PRKCQ: variants seen among roughly 807,000 people sequenced by gnomAD.
The protein encoded by PRKCQ is protein kinase C theta type.
Under a neutral mutation model 91.2 loss-of-function variants are expected in PRKCQ, and 41 were observed. The ratio of observed to expected loss-of-function variants is 0.45; its 90% CI spans 0.35 to 0.58. The LOEUF is 0.58. PRKCQ is among the 20% of genes least tolerant of loss of function. PRKCQ has a pLI of 0.00. For synonymous variants in PRKCQ, 307 were observed against 316.9 expected (o/e 0.97, Z 0.33); for missense variants, 673 against 896.5 (o/e 0.75, Z 3.18).
chr10:6,507,482 AG>A lies in PRKCQ; in HGVS notation c.332del (p.Pro111LeufsTer6). 3 of 1,613,692 alleles carry A rather than the reference AG, an allele frequency of 1.9e-6. No homozygotes were observed. The highest frequency in any genetic ancestry group is 2.5e-6 in the Non-Finnish European group (3 of 1,179,646). Reference sequence around the variant, plus strand: ...TTGCATTCATTAGCATTCGGCCTTGAGGTTTCAGCTCTAACTGGTTGGGAGA... The same window carrying A: ...TTGCATTCATTAGCATTCGGCCTTGAGTTTCAGCTCTAACTGGTTGGGAGA... ...GKTEIWLELK[P>X]QGRMLMNARY... On this transcript the variant is annotated frameshift_variant, in exon 4 of 18. Coordinates refer to ENST00000263125, the MANE Select transcript of PRKCQ (RefSeq NM_006257.5). LOFTEE classifies it high-confidence loss of function.
At chr10:6,467,303 G>C (rs995641738) in intron 12 of PRKCQ, among the ~76,000 whole-genome samples, 1 of 137,318 alleles carries the variant, frequency 7.3e-6, no homozygotes, top group Non-Finnish European at 1.6e-5. Flanking sequence ...GGCTGAGAGA[G>C]AGAGAGAGAG....
At chr10:6,557,234 A>C (rs989009464) in intron 1 of PRKCQ, among the ~76,000 whole-genome samples, 1 of 152,088 alleles carries the variant, frequency 6.6e-6, no homozygotes, top group African/African-American at 2.4e-5. Flanking sequence ...GGATTCCTCC[A>C]GCCAGCACTC....
intron 3 of PRKCQ, among the ~76,000 whole-genome samples, chr10:6,510,674 T>C (rs528049401): frequency 9.2e-5 from 14 of 152,318 alleles, no homozygotes; most frequent in African/African-American, 2.6e-4. Context: ...ACTGGATTGA[T>C]AGACAAAAAC....
At chr10:6,555,841 C>A (rs998965861) in intron 1 of PRKCQ, among the ~76,000 whole-genome samples, 2 of 152,116 alleles carry the variant, frequency 1.3e-5, no homozygotes, top group Admixed American at 1.3e-4. Context: ...AAAACCACGT[C>A]TCTACTAAAA....
intron 1 of PRKCQ, among the ~76,000 whole-genome samples, chr10:6,546,499 T>A (rs1167175597): frequency 6.6e-6 from 1 of 152,204 alleles, no homozygotes; most frequent in Non-Finnish European, 1.5e-5. Flanking sequence ...TTGAAGCAAT[T>A]GTGAATGGGA....
chr10:6,518,372 G>A (rs1240049401), intron 1 of PRKCQ, among the ~76,000 whole-genome samples: 1 of 152,064 alleles, frequency 6.6e-6, no homozygotes. Flanking sequence ...AATAGCTTTG[G>A]TTCTGTGGTA....
chr10:6,469,201 A>G (rs1429948906), intron 12 of PRKCQ, among the ~76,000 whole-genome samples: 4 of 152,224 alleles, frequency 2.6e-5, no homozygotes, highest in Non-Finnish European at 5.9e-5. Flanking sequence ...CTCACCAACA[A>G]TTCAATTAAA....
intron 15 of PRKCQ, among the ~76,000 whole-genome samples, chr10:6,443,259 G>A (rs1191229239): frequency 1.3e-5 from 2 of 152,168 alleles, no homozygotes; most frequent in Admixed American, 6.5e-5. Flanking sequence ...TCTCTGAGAT[G>A]GTACATGGTA....
chr10:6,517,871 T>C (rs1004044804), intron 1 of PRKCQ, among the ~76,000 whole-genome samples: 7 of 152,134 alleles, frequency 4.6e-5, no homozygotes, highest in South Asian at 2.1e-4. Context: ...AGAAAATAAA[T>C]TGCAAAGGCA....
intron 3 of PRKCQ, 41 bp downstream of exon 3, chr10:6,510,954 C>G (rs752754440): frequency 6.2e-7 from 1 of 1,610,432 alleles, no homozygotes; most frequent in South Asian, 1.1e-5. Flanking sequence ...CGGCTACCAT[C>G]ATGCTTATCC....
At chr10:6,491,624 C>T in intron 8 of PRKCQ, 59 bp downstream of exon 8, 1 of 1,598,794 alleles carries the variant, frequency 6.3e-7, no homozygotes, top group Non-Finnish European at 8.5e-7. Flanking sequence ...CCCCAGAAAG[C>T]CTTGCTCCAT....
intron 12 of PRKCQ, among the ~76,000 whole-genome samples, chr10:6,478,141 G>A (rs1836372853): frequency 6.6e-6 from 1 of 152,202 alleles, no homozygotes; most frequent in African/African-American, 2.4e-5. Context: ...AAATCACGTT[G>A]TAGAATATCC....
At chr10:6,488,701 A>G (rs1837075766) in intron 8 of PRKCQ, among the ~76,000 whole-genome samples, 1 of 152,198 alleles carries the variant, frequency 6.6e-6, no homozygotes, top group African/African-American at 2.4e-5. Flanking sequence ...AACCATTACT[A>G]GACCGAGTAT....
chr10:6,568,453 G>A (rs1374605621), intron 1 of PRKCQ, among the ~76,000 whole-genome samples: 1 of 149,340 alleles, frequency 6.7e-6, no homozygotes, highest in Non-Finnish European at 1.5e-5. Context: ...GAATATTTTT[G>A]AATATTTTAA....
chr10:6,440,301 G>C (rs1460520245), intron 16 of PRKCQ, among the ~76,000 whole-genome samples: 2 of 152,232 alleles, frequency 1.3e-5, no homozygotes, highest in Non-Finnish European at 2.9e-5. Context: ...AACAGTGAGA[G>C]AGTCTTGCAG....
chr10:6,395,444 G>T, the PRKCQ span, among the ~76,000 whole-genome samples: 5 of 151,934 alleles, frequency 3.3e-5, no homozygotes. Context: ...TGGTAAATGG[G>T]GAGAAGGCTC....
At chr10:6,464,927 C>G (rs1029970335) in intron 12 of PRKCQ, among the ~76,000 whole-genome samples, 4 of 152,108 alleles carry the variant, frequency 2.6e-5, no homozygotes, top group African/African-American at 9.7e-5. Flanking sequence ...AGGTGGGATG[C>G]CCTGTGGCAT....
At chr10:6,453,940 A>G (rs1834860672) in intron 15 of PRKCQ, among the ~76,000 whole-genome samples, 1 of 151,736 alleles carries the variant, frequency 6.6e-6, no homozygotes, top group Non-Finnish European at 1.5e-5. Flanking sequence ...GGGAGCGGGG[A>G]GGGATAGCAT....
At chr10:6,466,875 C>T (rs1191346510) in intron 12 of PRKCQ, among the ~76,000 whole-genome samples, 2 of 152,106 alleles carry the variant, frequency 1.3e-5, no homozygotes, top group Admixed American at 1.3e-4. Context: ...AGAGTAATTG[C>T]AAAGAATGTG....
Sources: allele counts gnomAD v4.1 joint callset (sites outside exome capture counted in the v4.1 genomes callset), GRCh38; gene constraint gnomAD v4.1.1; transcripts MANE v1.5; gene names NCBI Gene and HGNC (gene_info 2026-07-23, HGNC 2026-07-21).